The following GNB1 variants were observed in gnomAD, a reference collection of about 807,000 sequenced individuals.
GNB1 encodes G protein subunit beta 1, also known as guanine nucleotide-binding protein G(I)/G(S)/G(T) subunit beta-1.
Under a neutral mutation model 42.9 loss-of-function variants are expected in GNB1, and 2 were observed. The ratio of observed to expected loss-of-function variants is 0.05; its 90% CI spans 0.02 to 0.15. The LOEUF is 0.15. Among genes scored for constraint, GNB1 ranks in the 10% least tolerant of loss-of-function variants. The pLI, the probability that GNB1 is intolerant of heterozygous loss-of-function variation, is 1.00. For missense variants in GNB1, 193 were observed against 462.2 expected (o/e 0.42, Z 5.34); for synonymous variants, 183 against 174.7 (o/e 1.05, Z -0.38).
At chr1:1,859,907 G>T (rs185994136) in intron 1 of GNB1, among the ~76,000 whole-genome samples, 7 of 151,578 alleles carry the variant, frequency 4.6e-5, no homozygotes, top group Non-Finnish European at 8.8e-5. Flanking sequence ...GTTGTGGGGT[G>T]GGGGGAGAGG....
At chr1:1,883,423 T>C (rs1354247770) in intron 1 of GNB1, among the ~76,000 whole-genome samples, 8 of 152,210 alleles carry the variant, frequency 5.3e-5, no homozygotes, top group Admixed American at 1.3e-4. Flanking sequence ...TGAATTAATA[T>C]TCTTCTGGAA....
intron 1 of GNB1, among the ~76,000 whole-genome samples, chr1:1,840,014 A>G (rs577591264): frequency 6.6e-6 from 1 of 151,992 alleles, no homozygotes; most frequent in East Asian, 1.9e-4. Context: ...AATGTGTTTT[A>G]AGAACACATT....
At chr1:1,884,045 A>C (rs1179922866) in intron 1 of GNB1, among the ~76,000 whole-genome samples, 1 of 149,464 alleles carries the variant, frequency 6.7e-6, no homozygotes, top group Non-Finnish European at 1.5e-5. Flanking sequence ...GGCTCACCGC[A>C]ACCTCCGCCT....
Position 1,806,463 on chromosome 1 carries a change from T to C in GNB1, c.267+12A>G. ...GTTGGTTTTTCAAGGAAGGGAATCC[T>C]CCAGTCCCTACCTTGTTGGTGGTGT... On this transcript the variant is annotated intron_variant, in intron 6 of 11. Transcript: ENST00000378609. 1 of 1,560,154 alleles carries C rather than the reference T, an allele frequency of 6.4e-7. No homozygotes were observed. The highest frequency in any genetic ancestry group is 8.8e-7 in the Non-Finnish European group (1 of 1,130,908).
At chr1:1,879,688 G>C (rs1649735908) in intron 1 of GNB1, among the ~76,000 whole-genome samples, 1 of 147,180 alleles carries the variant, frequency 6.8e-6, no homozygotes, top group Non-Finnish European at 1.5e-5. Flanking sequence ...CTGGGTGACA[G>C]AGTGAGACTC....
At chr1:1,876,702 A>G (rs1012687466) in intron 1 of GNB1, among the ~76,000 whole-genome samples, 4 of 152,198 alleles carry the variant, frequency 2.6e-5, no homozygotes, top group African/African-American at 4.8e-5. Context: ...GGCAGAGTCA[A>G]ACACCATCAG....
chr1:1,860,290 T>C (rs937542030), intron 1 of GNB1, among the ~76,000 whole-genome samples: 2 of 152,060 alleles, frequency 1.3e-5, no homozygotes, highest in African/African-American at 4.8e-5. Context: ...AGGGGCATGA[T>C]AGAGGGTGGC....
chr1:1,853,108 C>T (rs893368356), intron 1 of GNB1, among the ~76,000 whole-genome samples: 6 of 152,102 alleles, frequency 3.9e-5, no homozygotes, highest in African/African-American at 1.2e-4. Context: ...TCCCCTCCTG[C>T]CCCTGTGCTC....
At chr1:1,845,476 G>A (rs889673020) in intron 1 of GNB1, among the ~76,000 whole-genome samples, 1 of 152,170 alleles carries the variant, frequency 6.6e-6, no homozygotes, top group African/African-American at 2.4e-5. Flanking sequence ...AGGAGGCTGA[G>A]GCAGGAGAAT....
intron 1 of GNB1, among the ~76,000 whole-genome samples, chr1:1,884,223 C>A (rs1462170586): frequency 6.6e-6 from 1 of 151,988 alleles, no homozygotes; most frequent in Non-Finnish European, 1.5e-5. Flanking sequence ...CCTCAGCCTC[C>A]CGAGTAGCTG....
intron 2 of GNB1, among the ~76,000 whole-genome samples, chr1:1,833,567 T>C (rs577401344): frequency 1.2e-4 from 18 of 152,258 alleles, no homozygotes; most frequent in Admixed American, 9.8e-4. Context: ...AGCATGGTGC[T>C]GAGCAGCATG....
intron 1 of GNB1, among the ~76,000 whole-genome samples, chr1:1,869,185 CAAAAAAAAAAAAA>C (rs71578347): frequency 1.9e-4 from 5 of 26,746 alleles, no homozygotes; most frequent in East Asian, 1.2e-3. Flanking sequence ...GACACCTTCT[CAAAAAAAAAAAAA>C]AAAAAAAAAA....
rs749285524 is a variant in GNB1 at position 1,881,091 on chromosome 1, G to C, written c.-96+9729C>G. Among the ~76,000 whole-genome samples, 8 of 152,200 alleles carry C rather than the reference G, an allele frequency of 5.3e-5. No homozygotes were observed. In the East Asian group the frequency reaches 1.2e-3, roughly 22 times the overall value. ...AAAGTATAAGGCCTGCCGTACCCTC[G>C]ATGCAAAACATGAGAAAGCCTCAGA... On this transcript the variant is annotated intron_variant, in intron 1 of 11. Transcript: ENST00000378609.
At chr1:1,842,251 A>T (rs1388495385) in intron 1 of GNB1, among the ~76,000 whole-genome samples, 3 of 152,224 alleles carry the variant, frequency 2.0e-5, no homozygotes, top group Admixed American at 6.5e-5. Flanking sequence ...TAACACGGTG[A>T]AACCCCATCT....
At chr1:1,851,463 C>T (rs1036133427) in intron 1 of GNB1, among the ~76,000 whole-genome samples, 2 of 150,576 alleles carry the variant, frequency 1.3e-5, no homozygotes, top group African/African-American at 2.5e-5. Context: ...CACCTGTAAT[C>T]CCAGCTACTC....
At position 1,815,621 on chromosome 1, in the gene GNB1, G is replaced by A. The variant is rs751716659; in HGVS notation, c.203+135C>T. The A allele has an allele frequency of 1.3e-4, 80 of 610,578 alleles. 1 individual carries two copies. The highest frequency in any genetic ancestry group is 2.0e-4 in the South Asian group (10 of 50,700). 37.8% of individuals were successfully genotyped at this position (610,578 alleles called of 1,614,324 possible). ...TGCACCTGTGAACGCTGCACCTTGC[G>A]TGCCCAGAGTTCTGATTCAACTTCC... On this transcript the variant is annotated intron_variant, in intron 5 of 11. Transcript: ENST00000378609.
chr1:1,850,650 T>C (rs559158330), intron 1 of GNB1, among the ~76,000 whole-genome samples: 1 of 152,230 alleles, frequency 6.6e-6, no homozygotes, highest in South Asian at 2.1e-4. Context: ...ATATAATGCA[T>C]GCTGTATACC....
At position 1,787,617 on chromosome 1, in the gene GNB1, G is replaced by C. The variant is rs1027046530; in HGVS notation, c.917-180C>G. Reference sequence around the variant, plus strand: ...GGAATTAACCTGCAGCATATGGCCAGCCTTGTTAAAATTCAAAGACACGCA... The same window carrying C: ...GGAATTAACCTGCAGCATATGGCCACCCTTGTTAAAATTCAAAGACACGCA... On this transcript the variant is annotated intron_variant, in intron 10 of 11. Coordinates refer to ENST00000378609, the MANE Select transcript of GNB1 (RefSeq NM_002074.5). The surrounding 1 kb of genome is among the most constrained non-coding windows in gnomAD (Gnocchi z 4.4). 2.0e-5 allele frequency among the ~76,000 whole-genome samples: 3 copies of C among 152,138 alleles called. No individual in the cohort carries two copies. Among genetic ancestry groups the C allele is most frequent in the Admixed American group, 6.6e-5 (1 of 15,260 alleles).
At chr1:1,880,709 CT>C (rs1304778181) in intron 1 of GNB1, among the ~76,000 whole-genome samples, 3 of 152,194 alleles carry the variant, frequency 2.0e-5, no homozygotes, top group African/African-American at 7.2e-5. Flanking sequence ...TAAGTGACCA[CT>C]GCTCCCCAAG....
Sources: allele counts gnomAD v4.1 joint callset (sites outside exome capture counted in the v4.1 genomes callset), GRCh38; gene constraint gnomAD v4.1.1; non-coding constraint Gnocchi (gnomAD v3.1); transcripts MANE v1.5; gene names NCBI Gene and HGNC (gene_info 2026-07-23, HGNC 2026-07-21).